The following TREM1 variants were observed in gnomAD, a reference collection of about 807,000 sequenced individuals.
TREM1 encodes triggering receptor expressed on myeloid cells 1, also known as triggering receptor expressed on monocytes 1.
TREM1 carries 16 observed loss-of-function variants against 22.4 expected under a neutral mutation model. The observed-to-expected ratio is 0.71, with a 90% CI of 0.48 to 1.08. The LOEUF (loss-of-function observed/expected upper bound fraction) is 1.08, where lower values mean the gene tolerates loss of function less well. Ranked by LOEUF, TREM1 falls within the 50% of genes least tolerant of loss-of-function variation. The probability of loss-of-function intolerance (pLI) is 0.00; values close to 1 mark genes in which losing one functional copy is unlikely to be tolerated. For missense variants in TREM1, 283 were observed against 282.9 expected (o/e 1.00, Z 0.00); for synonymous variants, 110 against 111.6 (o/e 0.99, Z 0.09).
downstream of TREM1, among the ~76,000 whole-genome samples, chr6:41,270,453 ATATATATATATATATAT>A (rs1167073206): frequency 6.8e-3 from 20 of 2,948 alleles, 1 homozygote; most frequent in South Asian, 0.11. Context: ...TATAATATAT[ATATATATATATATATAT>A]ATATATATAT....
In TREM1 at chr6:41,280,315, C is replaced by T. The variant is rs1267586449; in HGVS notation, c.599+646G>A. On this transcript the variant is annotated intron_variant, in intron 3 of 3. Coordinates refer to ENST00000244709, the MANE Select transcript of TREM1 (RefSeq NM_018643.5). ...CTAAGTTAGTGGTTCTTAAGTTTGCCTACACATTAGAAATCTCCTAAACAT... is the reference window on the plus strand; with the variant it reads ...CTAAGTTAGTGGTTCTTAAGTTTGCTTACACATTAGAAATCTCCTAAACAT... 5.1e-6 allele frequency: 5 copies of T among 984,712 alleles called. No homozygotes were observed. The African/African-American group carries it at 5.2e-5, about 10-fold the overall frequency. The allele number at this position is 984,712 out of a possible 1,614,324, so 61.0% of individuals were successfully genotyped here.
In TREM1 at chr6:41,280,991, A is replaced by C; in HGVS notation, c.569T>G (p.Ile190Ser). 1 of 1,614,238 alleles carries C rather than the reference A, an allele frequency of 6.2e-7. No homozygotes were observed. The highest frequency in any genetic ancestry group is 8.5e-7 in the Non-Finnish European group (1 of 1,180,044). Reference protein sequence around the residue: ...TADVSTPDSEINLTNVTDIIR... With the variant: ...TADVSTPDSESNLTNVTDIIR... ...GATATCTGTCACATTTGTAAGGTTG[A>C]TTTCAGAGTCAGGAGTGGAGACATC... The change falls in exon 3 of 4, where the codon ATC becomes AGC. Residue 190 changes from isoleucine (I) to serine (S), a missense_variant. Coordinates refer to ENST00000244709, the MANE Select transcript of TREM1 (RefSeq NM_018643.5).
chr6:41,272,397 GCAAA>G (rs773538221), downstream of TREM1, among the ~76,000 whole-genome samples: 37 of 152,212 alleles, frequency 2.4e-4, no homozygotes, highest in East Asian at 9.7e-4. Flanking sequence ...ATGGTGCTGC[GCAAA>G]CAAACATTGT....
In TREM1 at chr6:41,275,110, A is replaced by C. The variant is rs2113974752; in HGVS notation, c.*1015T>G. The C allele has an allele frequency of 6.6e-6, 1 of 152,200 alleles. No individual in the cohort carries two copies. The highest frequency in any genetic ancestry group is 6.5e-5 in the Admixed American group (1 of 15,288). 9.4% of individuals were successfully genotyped at this position (152,200 alleles called of 1,614,324 possible). Reference sequence around the variant, plus strand: ...TGCTTCACCGGGGAGGGCACTGGAGAGAGCATGGAAACTGAGGCAGGTGTT... The same window carrying C: ...TGCTTCACCGGGGAGGGCACTGGAGCGAGCATGGAAACTGAGGCAGGTGTT... On this transcript the variant is annotated 3_prime_UTR_variant, in exon 4 of 4. Transcript: ENST00000244709.
intron 1 of TREM1, among the ~76,000 whole-genome samples, chr6:41,283,035 G>A (rs1335763290): frequency 6.6e-6 from 1 of 152,190 alleles, no homozygotes; most frequent in Non-Finnish European, 1.5e-5. Context: ...GGAAGAAACT[G>A]CCTGCCTGGA....
At chr6:41,281,182 T>C (rs1767905908) in intron 2 of TREM1, 29 bp from the exon 3 acceptor site, 1 of 1,605,218 alleles carries the variant, frequency 6.2e-7, no homozygotes, top group Non-Finnish European at 8.5e-7. Flanking sequence ...GATGGATGGA[T>C]GGACAGATGG....
chr6:41,272,371 C>T (rs1767506967), downstream of TREM1, among the ~76,000 whole-genome samples: 1 of 152,170 alleles, frequency 6.6e-6, no homozygotes, highest in Admixed American at 6.5e-5. Flanking sequence ...AGCCTGCACC[C>T]CAGTCTCCCT....
rs137958968 is a variant in TREM1 at position 41,276,183 on chromosome 6, C to T, written c.647G>A (p.Ser216Asn). 4 of 1,614,024 alleles carry T rather than the reference C, an allele frequency of 2.5e-6. No individual in the cohort carries two copies. Among genetic ancestry groups the T allele is most frequent in the Admixed American group, 1.7e-5 (1 of 59,998 alleles). Residue 216 changes from serine (S) to asparagine (N), a missense_variant, in exon 4 of 4, where the codon AGT becomes AAT. Coordinates refer to ENST00000244709, the MANE Select transcript of TREM1 (RefSeq NM_018643.5). ...IVILLAGGFL[S>N]KSLVFSVLFA... The stretch of plus-strand genomic sequence containing the variant: ...CAGGACAGAGAAGACCAGGCTCTTA[C>T]TCAGGAATCCACCAGCCAGGAGAAT...
rs1195059844 is a variant in TREM1 at position 41,275,261 on chromosome 6, C to T, written c.*864G>A. ...CACCATCCCTGACCCTTGTGTGATA[C>T]AGGAAAAGAGGCATTTAGACACAGG... is the stretch of plus-strand genomic sequence containing the variant. On this transcript the variant is annotated 3_prime_UTR_variant, in exon 4 of 4. Coordinates refer to ENST00000244709, the MANE Select transcript of TREM1 (RefSeq NM_018643.5). 1 of 152,178 alleles carries T rather than the reference C, an allele frequency of 6.6e-6. No individual in the cohort carries two copies. The highest frequency in any genetic ancestry group is 1.9e-4 in the East Asian group (1 of 5,186). The allele number at this position is 152,178 out of a possible 1,614,324, so 9.4% of individuals were successfully genotyped here.
Position 41,282,635 on chromosome 6 carries a change from G to A in TREM1, c.166C>T (p.Gln56Ter). The change falls in exon 2 of 4, where the codon CAG (glutamine) becomes TAG (stop). Residue 56 changes from glutamine (Q) to a stop codon, truncating the protein, a stop_gained. Transcript: ENST00000244709. LOFTEE classifies it high-confidence loss of function. Reference protein sequence around the residue: ...EKFASSQKAWQIIRDGEMPKT... With the variant: ...EKFASSQKAW The stretch of plus-strand genomic sequence containing the variant: ...GGCATCTCTCCGTCCCTTATTATCT[G>A]CCAAGCTTTCTGGCTGCTGGCAAAC... 2 of 1,614,166 alleles carry A rather than the reference G, an allele frequency of 1.2e-6. No homozygotes were observed. The highest frequency in any genetic ancestry group is 1.7e-6 in the Non-Finnish European group (2 of 1,180,034).
intron 1 of TREM1, among the ~76,000 whole-genome samples, chr6:41,283,320 C>T (rs1194658310): frequency 6.6e-6 from 1 of 152,152 alleles, no homozygotes; most frequent in African/African-American, 2.4e-5. Flanking sequence ...GGTAGCAGAG[C>T]ACCCCTTTCC....
rs188195223 is a variant in TREM1, at chr6:41,284,363, A to G, written c.50-1612T>C. On this transcript the variant is annotated intron_variant, in intron 1 of 3. Transcript: ENST00000244709. ...GTTTGAGAACCCCTGGGTTACAGTG[A>G]CAATAGTTTCCATCACATTCTTGGA... Among the ~76,000 whole-genome samples the G allele has an allele frequency of 1.4e-3, 206 of 152,300 alleles. 1 individual carries two copies. Among genetic ancestry groups the G allele is most frequent in the Non-Finnish European group, 1.5e-3 (105 of 68,026 alleles).
chr6:41,279,160 A>C (rs1767794147), intron 3 of TREM1, among the ~76,000 whole-genome samples: 2 of 152,238 alleles, frequency 1.3e-5, no homozygotes, highest in South Asian at 4.1e-4. Context: ...CTTTACCCAC[A>C]GAGGGCGCCA....
chr6:41,277,797 T>C (rs1767729717), intron 3 of TREM1, among the ~76,000 whole-genome samples: 1 of 152,180 alleles, frequency 6.6e-6, no homozygotes, highest in African/African-American at 2.4e-5. Context: ...AGAGTTATCC[T>C]GTGAGATACC....
intron 1 of TREM1, among the ~76,000 whole-genome samples, chr6:41,285,910 G>A (rs6921449): frequency 0.061 from 9,220 of 152,214 alleles, 749 homozygotes; most frequent in African/African-American, 0.19. Flanking sequence ...GGCAAGCCTC[G>A]CTTTTAACTC....
rs1020089782 is a variant in TREM1 at position 41,274,219 on chromosome 6, T to G, written c.*1906A>C. On this transcript the variant is annotated 3_prime_UTR_variant, in exon 4 of 4. Transcript: ENST00000244709. ...CTTTGGTAAGGAGTGTAATGACTTT[T>G]TGGAAACAAGCTTGAGATCCACTAA... 3.9e-5 allele frequency among the ~76,000 whole-genome samples: 6 copies of G among 152,190 alleles called. No individual in the cohort carries two copies. The East Asian group carries it at 1.2e-3, about 29-fold the overall frequency.
Position 41,275,828 on chromosome 6 carries a change from G to A in TREM1, c.*297C>T, listed in dbSNP as rs1036391890. ...GTCACAGCCCCCACAAGAGAATTACGGTGAAAAGCATTGAGCTGTCTGTAT... is the reference window on the plus strand; with the variant it reads ...GTCACAGCCCCCACAAGAGAATTACAGTGAAAAGCATTGAGCTGTCTGTAT... On this transcript the variant is annotated 3_prime_UTR_variant, in exon 4 of 4. Coordinates refer to ENST00000244709, the MANE Select transcript of TREM1 (RefSeq NM_018643.5). 20 of 413,050 alleles carry A rather than the reference G, an allele frequency of 4.8e-5. No individual in the cohort carries two copies. The highest frequency in any genetic ancestry group is 2.4e-4 in the African/African-American group (12 of 49,678). The allele number at this position is 413,050 out of a possible 1,614,324, so 25.6% of individuals were successfully genotyped here.
chr6:41,280,955 C>G lies in TREM1; in HGVS notation c.599+6G>C. 3 of 1,614,200 alleles carry G rather than the reference C, an allele frequency of 1.9e-6. No homozygotes were observed. Among genetic ancestry groups the G allele is most frequent in the South Asian group, 1.1e-5 (1 of 91,086 alleles). ...AACCAGGGGCCCAGGGACCTGGAAA[C>G]TATACCTGATGATATCTGTCACATT... On this transcript the variant is annotated splice_donor_region_variant and intron_variant, in intron 3 of 3. Coordinates refer to ENST00000244709, the MANE Select transcript of TREM1 (RefSeq NM_018643.5).
chr6:41,280,657 G>T (rs955302422), intron 3 of TREM1: 16 of 1,395,542 alleles, frequency 1.1e-5, no homozygotes, highest in South Asian at 8.0e-5. Flanking sequence ...TGCCCATCAG[G>T]CCCCTGGGGT....
Sources: gnomAD v4.1 joint callset for allele counts (sites outside exome capture counted in the v4.1 genomes callset) on GRCh38, gnomAD v4.1.1 for gene constraint, MANE v1.5 for transcripts, NCBI Gene and HGNC (gene_info 2026-07-23, HGNC 2026-07-21) for gene names.